The following ADCY9 variants were observed in gnomAD, a reference collection of about 807,000 sequenced individuals.
ADCY9 encodes adenylate cyclase type 9.
Under a neutral mutation model 101.5 loss-of-function variants are expected in ADCY9, and 50 were observed. The observed-to-expected ratio is 0.49, with a 90% CI of 0.39 to 0.62. The LOEUF is 0.62. Ranked by LOEUF, ADCY9 falls within the 20% of genes least tolerant of loss-of-function variation. The probability of loss-of-function intolerance (pLI) is 0.00; values close to 1 mark genes in which losing one functional copy is unlikely to be tolerated. For missense variants in ADCY9, 1,662 were observed against 1,800.4 expected (o/e 0.92, Z 1.39); for synonymous variants, 905 against 769.3 (o/e 1.18, Z -2.92).
intron 2 of ADCY9, among the ~76,000 whole-genome samples, chr16:4,066,757 GAAT>G (rs1353612496): frequency 1.3e-5 from 2 of 152,010 alleles, no homozygotes; most frequent in African/African-American, 4.8e-5. Context: ...AAAAAAAAGT[GAAT>G]ATTATTCTTT....
At chr16:4,046,660 A>G (rs562519844) in intron 2 of ADCY9, among the ~76,000 whole-genome samples, 1 of 152,160 alleles carries the variant, frequency 6.6e-6, no homozygotes, top group Non-Finnish European at 1.5e-5. Flanking sequence ...TCTGAAGAAA[A>G]TAAGACTCAA....
intron 2 of ADCY9, among the ~76,000 whole-genome samples, chr16:4,101,533 C>A (rs752086040): frequency 1.3e-5 from 2 of 152,130 alleles, no homozygotes; most frequent in Non-Finnish European, 2.9e-5. Context: ...CCTACCTTGG[C>A]CTTCCAAAGT....
chr16:4,104,012 C>G (rs887132314), intron 2 of ADCY9, among the ~76,000 whole-genome samples: 2 of 152,132 alleles, frequency 1.3e-5, no homozygotes, highest in African/African-American at 4.8e-5. Context: ...AGCTGTGCAG[C>G]TGTTTGGATT....
intron 2 of ADCY9, among the ~76,000 whole-genome samples, chr16:4,067,540 T>G (rs1411741895): frequency 2.0e-5 from 3 of 152,158 alleles, no homozygotes; most frequent in African/African-American, 7.2e-5. Flanking sequence ...AAGACAATTC[T>G]GCCTCAACTG....
At chr16:4,080,467 G>T (rs1260275323) in intron 2 of ADCY9, among the ~76,000 whole-genome samples, 2 of 151,996 alleles carry the variant, frequency 1.3e-5, no homozygotes, top group Non-Finnish European at 2.9e-5. Flanking sequence ...ACGTTGGCCA[G>T]GCTAGTCTCA....
At chr16:3,972,775 G>T (rs1278652064) in intron 10 of ADCY9, among the ~76,000 whole-genome samples, 1 of 151,998 alleles carries the variant, frequency 6.6e-6, no homozygotes, top group Non-Finnish European at 1.5e-5. Context: ...GGGGAGAGGG[G>T]GTCAGCAGCG....
At chr16:3,994,728 G>A (rs2141706140) in intron 3 of ADCY9, among the ~76,000 whole-genome samples, 1 of 152,314 alleles carries the variant, frequency 6.6e-6, no homozygotes, top group Middle Eastern at 3.4e-3. Flanking sequence ...AAAGTGCTGG[G>A]ATTACAAGCA....
intron 2 of ADCY9, among the ~76,000 whole-genome samples, chr16:4,014,087 G>C (rs28562961): frequency 0.2 from 30,487 of 152,106 alleles, 4,261 homozygotes; most frequent in African/African-American, 0.39. Context: ...GGGAGGCCGA[G>C]ACGGGAGCAT....
chr16:4,103,222 T>C (rs894362959), intron 2 of ADCY9, among the ~76,000 whole-genome samples: 2 of 152,192 alleles, frequency 1.3e-5, no homozygotes, highest in African/African-American at 4.8e-5. Context: ...GGGTGGCACA[T>C]ACAAAACCCT....
intron 2 of ADCY9, among the ~76,000 whole-genome samples, chr16:4,029,241 G>C (rs1312821607): frequency 6.6e-6 from 1 of 151,930 alleles, no homozygotes; most frequent in African/African-American, 2.4e-5. Context: ...CAGAAGTAGA[G>C]AAATAGGACA....
chr16:3,989,272 A>G (rs2056224263), intron 5 of ADCY9, among the ~76,000 whole-genome samples, 176 bp from the exon 6 acceptor site: 1 of 152,214 alleles, frequency 6.6e-6, no homozygotes, highest in South Asian at 2.1e-4. Flanking sequence ...AGATCTGTGG[A>G]AAGTCCTTCG....
rs2056896919 is a variant in ADCY9, at chr16:4,080,770, T to C, written c.1693+32980A>G. Among the ~76,000 whole-genome samples the C allele has an allele frequency of 2.7e-5, 4 of 150,002 alleles. No individual in the cohort carries two copies. In the South Asian group the frequency reaches 8.4e-4, roughly 31 times the overall value. Reference sequence around the variant, plus strand: ...TTTTATGCTCCAAAAACATTCCACATGGCAACCAAGGTCCCGTAGAGAGCA... The same window carrying C: ...TTTTATGCTCCAAAAACATTCCACACGGCAACCAAGGTCCCGTAGAGAGCA... On this transcript the variant is annotated intron_variant, in intron 2 of 10. Transcript: ENST00000294016.
intron 2 of ADCY9, among the ~76,000 whole-genome samples, chr16:4,103,182 G>A (rs527793791): frequency 7.2e-5 from 11 of 152,312 alleles, no homozygotes; most frequent in Non-Finnish European, 1.3e-4. Context: ...TCCAATTGGC[G>A]TTGTTTCACA....
In ADCY9 at chr16:4,094,200, T is replaced by C. The variant is rs561931112; in HGVS notation, c.1693+19550A>G. 1.2e-4 allele frequency among the ~76,000 whole-genome samples: 18 copies of C among 152,308 alleles called. No homozygotes were observed. In the East Asian group the frequency reaches 2.1e-3, roughly 18 times the overall value. On this transcript the variant is annotated intron_variant, in intron 2 of 10. Coordinates refer to ENST00000294016, the MANE Select transcript of ADCY9 (RefSeq NM_001116.4). ...TATTTGCATGGTAGTTCTGAAAGTTTTTAACCTCCTGCAGTTCCTGGCACA... is the reference window on the plus strand; with the variant it reads ...TATTTGCATGGTAGTTCTGAAAGTTCTTAACCTCCTGCAGTTCCTGGCACA...
intron 2 of ADCY9, among the ~76,000 whole-genome samples, chr16:4,075,883 G>A (rs2056864091): frequency 6.6e-6 from 1 of 152,160 alleles, no homozygotes; most frequent in African/African-American, 2.4e-5. Context: ...TGCAGGCAGT[G>A]TTTTTTGGAG....
intron 2 of ADCY9, among the ~76,000 whole-genome samples, chr16:4,111,871 G>A (rs1242722367): frequency 1.4e-5 from 2 of 140,410 alleles, no homozygotes; most frequent in Non-Finnish European, 3.0e-5. Context: ...TTGGCTCTGT[G>A]TCTGAGACCC....
intron 2 of ADCY9, among the ~76,000 whole-genome samples, chr16:4,016,557 T>C (rs2056440024): frequency 6.6e-6 from 1 of 152,052 alleles, no homozygotes; most frequent in African/African-American, 2.4e-5. Flanking sequence ...GAGGTGCTGA[T>C]TCAAGCACAC....
chr16:4,007,596 AG>A (rs758920386), intron 2 of ADCY9, 38 bp from the exon 3 acceptor site: 3 of 1,542,850 alleles, frequency 1.9e-6, no homozygotes, highest in Admixed American at 3.9e-5. Flanking sequence ...ACAGATTGAA[AG>A]CACCGTCTGT....
chr16:4,071,389 T>C (rs1192156804), intron 2 of ADCY9, among the ~76,000 whole-genome samples: 1 of 118,948 alleles, frequency 8.4e-6, no homozygotes, highest in South Asian at 2.6e-4. Flanking sequence ...AACAGATCAA[T>C]ATCTGGCATT....
Sources: allele counts gnomAD v4.1 joint callset (sites outside exome capture counted in the v4.1 genomes callset), GRCh38; gene constraint gnomAD v4.1.1; transcripts MANE v1.5; gene names NCBI Gene and HGNC (gene_info 2026-07-23, HGNC 2026-07-21).